Variants in LRRC4C observed in about 807,000 individuals in gnomAD.
LRRC4C encodes the protein leucine rich repeat containing 4C, also known as leucine-rich repeat-containing protein 4C.
Under a neutral mutation model 33.6 loss-of-function variants are expected in LRRC4C, and 5 were observed. That is an observed-to-expected ratio of 0.15 (90% CI 0.08 to 0.31). LRRC4C has a LOEUF of 0.31. Ranked by LOEUF, LRRC4C falls within the 10% of genes least tolerant of loss-of-function variation. The probability of loss-of-function intolerance (pLI) is 1.00; values close to 1 mark genes in which losing one functional copy is unlikely to be tolerated. For synonymous variants in LRRC4C, 329 were observed against 302.0 expected (o/e 1.09, Z -0.93); for missense variants, 560 against 796.7 (o/e 0.70, Z 3.58).
At chr11:40,596,823 C>A (rs1205582087) in intron 3 of LRRC4C, among the ~76,000 whole-genome samples, 1 of 152,078 alleles carries the variant, frequency 6.6e-6, no homozygotes, top group Non-Finnish European at 1.5e-5. Context: ...GTCTGCATTC[C>A]CATGTTTATT....
intron 4 of LRRC4C, among the ~76,000 whole-genome samples, chr11:40,266,343 G>A (rs537730416): frequency 5.9e-5 from 9 of 151,994 alleles, no homozygotes; most frequent in African/African-American, 1.4e-4. Flanking sequence ...AGGCGGCGGC[G>A]AATGTGGTGG....
chr11:40,276,705 G>GTA (rs1943127654), intron 4 of LRRC4C, among the ~76,000 whole-genome samples: 1 of 151,180 alleles, frequency 6.6e-6, no homozygotes, highest in South Asian at 2.1e-4. Flanking sequence ...GTGTGTGTGT[G>GTA]TGTGTGTGTG....
chr11:41,196,881 CT>C (rs1183665265), intron 1 of LRRC4C, among the ~76,000 whole-genome samples: 1 of 152,082 alleles, frequency 6.6e-6, no homozygotes, highest in Admixed American at 6.6e-5. Context: ...TCCCAACTTT[CT>C]GCAGGTAGAA....
At chr11:40,456,166 C>T (rs1486679114) in intron 3 of LRRC4C, among the ~76,000 whole-genome samples, 1 of 152,114 alleles carries the variant, frequency 6.6e-6, no homozygotes, top group Admixed American at 6.6e-5. Context: ...TATCAGTCCT[C>T]TTTAGCTCCT....
At chr11:40,955,884 A>G (rs1396428478) in intron 1 of LRRC4C, among the ~76,000 whole-genome samples, 1 of 151,776 alleles carries the variant, frequency 6.6e-6, no homozygotes, top group East Asian at 1.9e-4. Flanking sequence ...TTCCACACAC[A>G]TGGGAGACAA....
intron 1 of LRRC4C, among the ~76,000 whole-genome samples, chr11:41,312,253 A>G (rs1432125853): frequency 6.6e-6 from 1 of 152,130 alleles, no homozygotes; most frequent in Admixed American, 6.5e-5. Flanking sequence ...GACCCAGTCT[A>G]TTTCTAAACC....
intron 2 of LRRC4C, among the ~76,000 whole-genome samples, chr11:40,816,459 C>T (rs1369007058): frequency 6.6e-6 from 1 of 152,116 alleles, no homozygotes; most frequent in Non-Finnish European, 1.5e-5. Flanking sequence ...TGAAGTTTGT[C>T]TTTTTTCTTT....
intron 1 of LRRC4C, among the ~76,000 whole-genome samples, chr11:41,039,907 C>A (rs1276681002): frequency 2.6e-5 from 4 of 151,762 alleles, no homozygotes; most frequent in Non-Finnish European, 5.9e-5. Context: ...TTTGGGAGGC[C>A]GAGGCAGGCG....
At chr11:40,586,887 A>G (rs1327926549) in intron 3 of LRRC4C, among the ~76,000 whole-genome samples, 3 of 152,248 alleles carry the variant, frequency 2.0e-5, no homozygotes, top group Non-Finnish European at 4.4e-5. Context: ...GCCTTGTAGT[A>G]TAGTTTGAAG....
At chr11:40,994,540 T>C (rs1054743853) in intron 1 of LRRC4C, among the ~76,000 whole-genome samples, 2 of 152,134 alleles carry the variant, frequency 1.3e-5, no homozygotes, top group African/African-American at 4.8e-5. Flanking sequence ...CTCCTACCCA[T>C]AGTTGAAAAC....
intron 1 of LRRC4C, among the ~76,000 whole-genome samples, chr11:41,175,969 C>T (rs1945179180): frequency 2.0e-5 from 3 of 152,158 alleles, no homozygotes; most frequent in Admixed American, 2.0e-4. Flanking sequence ...AGTAGGACTT[C>T]TGTTATTCCC....
At chr11:41,074,214 C>T (rs771016097) in intron 1 of LRRC4C, among the ~76,000 whole-genome samples, 3 of 152,062 alleles carry the variant, frequency 2.0e-5, no homozygotes, top group Non-Finnish European at 4.4e-5. Flanking sequence ...TAAGAATACA[C>T]CACTTCTTTA....
At chr11:40,186,358 T>C (rs1050572073) in intron 5 of LRRC4C, among the ~76,000 whole-genome samples, 1 of 152,180 alleles carries the variant, frequency 6.6e-6, no homozygotes, top group African/African-American at 2.4e-5. Flanking sequence ...CCAGCAAGGA[T>C]GCCAGGAAGA....
At chr11:40,221,333 G>A (rs541205680) in intron 5 of LRRC4C, among the ~76,000 whole-genome samples, 1 of 152,292 alleles carries the variant, frequency 6.6e-6, no homozygotes, top group African/African-American at 2.4e-5. Context: ...TGCAGGGAAT[G>A]TGAATAGTTT....
chr11:40,910,594 C>T (rs577601967), intron 2 of LRRC4C, among the ~76,000 whole-genome samples: 1 of 152,196 alleles, frequency 6.6e-6, no homozygotes, highest in East Asian at 1.9e-4. Flanking sequence ...TGAATAGGAA[C>T]AGCTCCAGTC....
At chr11:40,963,868 T>C (rs957386674) in intron 1 of LRRC4C, among the ~76,000 whole-genome samples, 1 of 151,808 alleles carries the variant, frequency 6.6e-6, no homozygotes, top group African/African-American at 2.4e-5. Context: ...TTGAGTAATT[T>C]GCTGGCAATG....
chr11:41,119,982 A>G (rs978008893), intron 1 of LRRC4C, among the ~76,000 whole-genome samples: 2 of 152,168 alleles, frequency 1.3e-5, no homozygotes, highest in African/African-American at 2.4e-5. Flanking sequence ...GTTTTAAAGG[A>G]GAAAAAACTG....
chr11:40,334,219 A>G (rs1258439190), intron 3 of LRRC4C, among the ~76,000 whole-genome samples: 1 of 152,168 alleles, frequency 6.6e-6, no homozygotes, highest in African/African-American at 2.4e-5. Context: ...TAAGACTGTT[A>G]CATGATTTCT....
At position 40,746,947 on chromosome 11, in the gene LRRC4C, C is replaced by T. The variant is rs527380436; in HGVS notation, c.-406-98669G>A. ...GCCACTGCCACTGTTATCACCCGTG[C>T]CTCACCAGCTGCCTAGGGGCCTGAG... On this transcript the variant is annotated intron_variant, in intron 2 of 6. Coordinates refer to ENST00000528697, the MANE Select transcript of LRRC4C (RefSeq NM_001258419.2). 1.8e-3 allele frequency among the ~76,000 whole-genome samples: 278 copies of T among 152,340 alleles called. 1 individual carries two copies. Among genetic ancestry groups the T allele is most frequent in the African/African-American group, 6.5e-3 (269 of 41,572 alleles).
Sources: allele counts gnomAD v4.1 joint callset (sites outside exome capture counted in the v4.1 genomes callset), GRCh38; gene constraint gnomAD v4.1.1; transcripts MANE v1.5; gene names NCBI Gene and HGNC (gene_info 2026-07-23, HGNC 2026-07-21).